TCF19: variants seen among roughly 807,000 people sequenced by gnomAD.
The protein encoded by TCF19 is transcription factor 19.
TCF19 carries 9 observed loss-of-function variants against 18.3 expected under a neutral mutation model. The ratio of observed to expected loss-of-function variants is 0.49; its 90% CI spans 0.30 to 0.86. TCF19 has a LOEUF of 0.86. TCF19 is among the 40% of genes least tolerant of loss of function. The probability of loss-of-function intolerance (pLI) is 0.07; values close to 1 mark genes in which losing one functional copy is unlikely to be tolerated. For synonymous variants in TCF19, 176 were observed against 185.3 expected (o/e 0.95, Z 0.41); for missense variants, 376 against 464.3 (o/e 0.81, Z 1.75).
Position 31,162,370 on chromosome 6 carries a change from C to A in TCF19, c.798-107C>A. On this transcript the variant is annotated intron_variant, in intron 3 of 3. Coordinates refer to ENST00000376257, the MANE Select transcript of TCF19 (RefSeq NM_007109.3). The surrounding 1 kb of genome is among the most constrained non-coding windows in gnomAD (Gnocchi z 4.5). Reference sequence around the variant, plus strand: ...GTCCAGGCTCACCTTAGTTCTCAGACCACTGTGCCTCTGTGGCCTCACCCT... The same window carrying A: ...GTCCAGGCTCACCTTAGTTCTCAGAACACTGTGCCTCTGTGGCCTCACCCT... 6.9e-7 allele frequency: 1 copy of A among 1,458,832 alleles called. No homozygotes were observed. Among genetic ancestry groups the A allele is most frequent in the Non-Finnish European group, 9.2e-7 (1 of 1,084,176 alleles). The allele number at this position is 1,458,832 out of a possible 1,614,324, so 90.4% of individuals were successfully genotyped here.
chr6:31,163,188 C>T lies in TCF19; in HGVS notation c.*471C>T, dbSNP rs1776919147. ...TGCCAACAAAATCGTAGCGACCTGG[C>T]TTTTCACAGCTTTGCTTTTATTTCC... On this transcript the variant is annotated 3_prime_UTR_variant, in exon 4 of 4. Transcript: ENST00000376257. 2 of 998,798 alleles carry T rather than the reference C, an allele frequency of 2.0e-6. No individual in the cohort carries two copies. Among genetic ancestry groups the T allele is most frequent in the South Asian group, 9.0e-5 (2 of 22,278 alleles). The allele number at this position is 998,798 out of a possible 1,614,324, so 61.9% of individuals were successfully genotyped here. A position where few individuals can be genotyped will look rare whatever the true frequency, so the allele number is the denominator to read the frequency against.
In TCF19 at chr6:31,163,946, GTGGAAACCAAATAGACCC is replaced by G; in HGVS notation, c.*1233_*1250del. 1 of 986,262 alleles carries G rather than the reference GTGGAAACCAAATAGACCC, an allele frequency of 1.0e-6. No individual in the cohort carries two copies. Among genetic ancestry groups the G allele is most frequent in the South Asian group, 4.7e-5 (1 of 21,326 alleles). The allele number at this position is 986,262 out of a possible 1,614,324, so 61.1% of individuals were successfully genotyped here. ...TGGGCAGAGTATGCAAAAACCTTAAGTGGAAACCAAATAGACCCTGGTATCAAGAAAGCACAAAGTATT... is the reference window on the plus strand; with the variant it reads ...TGGGCAGAGTATGCAAAAACCTTAAGTGGTATCAAGAAAGCACAAAGTATT... On this transcript the variant is annotated 3_prime_UTR_variant, in exon 4 of 4. Coordinates refer to ENST00000376257, the MANE Select transcript of TCF19 (RefSeq NM_007109.3).
chr6:31,162,179 C>T lies in TCF19; in HGVS notation c.797+174C>T, dbSNP rs1332891138. 6.6e-6 allele frequency among the ~76,000 whole-genome samples: 1 copy of T among 152,100 alleles called. No individual in the cohort carries two copies. Among genetic ancestry groups the T allele is most frequent in the East Asian group, 1.9e-4 (1 of 5,186 alleles). On this transcript the variant is annotated intron_variant, in intron 3 of 3. Coordinates refer to ENST00000376257, the MANE Select transcript of TCF19 (RefSeq NM_007109.3). The surrounding 1 kb of genome is among the most constrained non-coding windows in gnomAD (Gnocchi z 4.5). The stretch of plus-strand genomic sequence containing the variant: ...GAAAAGAAAAATATGTGCAGGAGAA[C>T]ATGAGAGGTGGGGTGGGGCAGTGCT...
At position 31,161,647 on chromosome 6, in the gene TCF19, G is replaced by A. The variant is rs1776785702; in HGVS notation, c.439G>A (p.Ala147Thr). Residue 147 changes from alanine to threonine, a missense_variant, in exon 3 of 4, where the codon GCT becomes ACT. Coordinates refer to ENST00000376257, the MANE Select transcript of TCF19 (RefSeq NM_007109.3). Reference sequence around the variant, plus strand: ...GTCTAGGGGAGAAGCCCGGGTTGGGGCTGGTTTCCGGCCTATGCTGCCCTC... The same window carrying A: ...GTCTAGGGGAGAAGCCCGGGTTGGGACTGGTTTCCGGCCTATGCTGCCCTC... ...PRSRGEARVG[A>T]GFRPMLPSQG... The A allele has an allele frequency of 6.5e-7, 1 of 1,529,280 alleles. No individual in the cohort carries two copies. Among genetic ancestry groups the A allele is most frequent in the South Asian group, 1.3e-5 (1 of 76,584 alleles). 94.7% of individuals were successfully genotyped at this position (1,529,280 alleles called of 1,614,324 possible).
Position 31,162,773 on chromosome 6 carries a change from A to G in TCF19, c.*56A>G. On this transcript the variant is annotated 3_prime_UTR_variant, in exon 4 of 4. Coordinates refer to ENST00000376257, the MANE Select transcript of TCF19 (RefSeq NM_007109.3). This position sits in a 1 kb window ranked among gnomAD's most constrained non-coding sequence, Gnocchi z 4.5. ...CTGCCCATGAGTAGACACAGCAGCG[A>G]GCAAATAGGTCTGATAAATACCCCC... The G allele has an allele frequency of 4.4e-6, 7 of 1,586,690 alleles. No homozygotes were observed. Among genetic ancestry groups the G allele is most frequent in the Non-Finnish European group, 6.0e-6 (7 of 1,171,416 alleles).
In TCF19 at chr6:31,161,464, G is replaced by T. The variant is rs760610914; in HGVS notation, c.256G>T (p.Val86Phe). 7.0e-7 allele frequency: 1 copy of T among 1,420,104 alleles called. No homozygotes were observed. The highest frequency in any genetic ancestry group is 2.7e-5 in the Admixed American group (1 of 36,378). 88.0% of individuals were successfully genotyped at this position (1,420,104 alleles called of 1,614,324 possible). ...ATCAACAGGTACTTTGGTCAATAAT[G>T]TCCGACTCCCAAGAGGTCACAGGCT... is the stretch of plus-strand genomic sequence containing the variant. ...HSSQGTLVNNVRLPRGHRLEL... is the reference protein window; with the variant it reads ...HSSQGTLVNNFRLPRGHRLEL... Residue 86 changes from valine to phenylalanine, a missense_variant, in exon 3 of 4, where the codon GTC (valine) becomes TTC (phenylalanine). Val to Phe is a conservative substitution (Grantham distance 50). Transcript: ENST00000376257.
At position 31,162,553 on chromosome 6, in the gene TCF19, T is replaced by C. The variant is rs1397524780; in HGVS notation, c.874T>C (p.Cys292Arg). 3 of 1,612,936 alleles carry C rather than the reference T, an allele frequency of 1.9e-6. No individual in the cohort carries two copies. Among genetic ancestry groups the C allele is most frequent in the African/African-American group, 2.7e-5 (2 of 75,006 alleles). The change falls in exon 4 of 4, where the codon TGT (cysteine) becomes CGT (arginine). Residue 292 changes from cysteine to arginine, a missense_variant. By Grantham distance (180) the Cys-to-Arg change is radical. Coordinates refer to ENST00000376257, the MANE Select transcript of TCF19 (RefSeq NM_007109.3). This position sits in a 1 kb window ranked among gnomAD's most constrained non-coding sequence, Gnocchi z 4.5. ...APPAVGGGEP[C>R]AAPCCCLPQE... The stretch of plus-strand genomic sequence containing the variant: ...CCCTGCAGTTGGGGGCGGGGAGCCC[T>C]GTGCAGCTCCTTGTTGCTGCCTGCC...
In TCF19 at chr6:31,163,724, T is replaced by A. The variant is rs1776961964; in HGVS notation, c.*1007T>A. On this transcript the variant is annotated 3_prime_UTR_variant, in exon 4 of 4. Coordinates refer to ENST00000376257, the MANE Select transcript of TCF19 (RefSeq NM_007109.3). Reference sequence around the variant, plus strand: ...TTGTGAGCCTTACACCAAGCCAAACTATTGTCAAAGCATCATTTCTATAGA... The same window carrying A: ...TTGTGAGCCTTACACCAAGCCAAACAATTGTCAAAGCATCATTTCTATAGA... The A allele has an allele frequency of 1.0e-6, 1 of 985,374 alleles. No homozygotes were observed. Among genetic ancestry groups the A allele is most frequent in the African/African-American group, 1.7e-5 (1 of 57,250 alleles). The allele number at this position is 985,374 out of a possible 1,614,324, so 61.0% of individuals were successfully genotyped here.
intron 2 of TCF19, among the ~76,000 whole-genome samples, chr6:31,160,197 A>G (rs1364066017): frequency 1.3e-5 from 2 of 152,234 alleles, no homozygotes; most frequent in Non-Finnish European, 2.9e-5. Context: ...TATAGTAGCC[A>G]ACATTCATCT....
At position 31,161,643 on chromosome 6, in the gene TCF19, TG is replaced by T. The variant is rs1412513973; in HGVS notation, c.439del (p.Ala147LeufsTer28). 10 of 1,531,382 alleles carry T rather than the reference TG, an allele frequency of 6.5e-6. No homozygotes were observed. Among genetic ancestry groups the T allele is most frequent in the African/African-American group, 2.8e-5 (2 of 72,150 alleles). The allele number at this position is 1,531,382 out of a possible 1,614,324, so 94.9% of individuals were successfully genotyped here. On this transcript the variant is annotated frameshift_variant, in exon 3 of 4. Transcript: ENST00000376257. LOFTEE classifies it high-confidence loss of function. The part of the protein sequence containing the change: ...IPRSRGEARV[G>X]AGFRPMLPSQ... The stretch of plus-strand genomic sequence containing the variant: ...CACGGTCTAGGGGAGAAGCCCGGGT[TG>T]GGGCTGGTTTCCGGCCTATGCTGCC...
At chr6:31,161,403 C>T in intron 2 of TCF19, 44 bp from the exon 3 acceptor site, 1 of 1,351,422 alleles carries the variant, frequency 7.4e-7, no homozygotes, top group Non-Finnish European at 9.7e-7. Context: ...CTGGTCATTT[C>T]TGTTTTTGTC....
At position 31,162,070 on chromosome 6, in the gene TCF19, G is replaced by A; in HGVS notation, c.797+65G>A. The A allele has an allele frequency of 6.7e-7, 1 of 1,500,070 alleles. No individual in the cohort carries two copies. The highest frequency in any genetic ancestry group is 8.9e-7 in the Non-Finnish European group (1 of 1,119,820). 92.9% of individuals were successfully genotyped at this position (1,500,070 alleles called of 1,614,324 possible). A position where few individuals can be genotyped will look rare whatever the true frequency, so the allele number is the denominator to read the frequency against. On this transcript the variant is annotated intron_variant, in intron 3 of 3. Transcript: ENST00000376257. This position sits in a 1 kb window ranked among gnomAD's most constrained non-coding sequence, Gnocchi z 4.5. The stretch of plus-strand genomic sequence containing the variant: ...GCTTTTCGATTCCTTGTATCCCTAG[G>A]CTGTGAGGAGGTCCCCCTGCCTGGG...
At position 31,164,122 on chromosome 6, in the gene TCF19, T is replaced by C; in HGVS notation, c.*1405T>C. ...CTCTGAACAGGTAACAGCTACATGG[T>C]GACTGAGTCTATGGGCAAAAGTTCT... On this transcript the variant is annotated 3_prime_UTR_variant, in exon 4 of 4. Coordinates refer to ENST00000376257, the MANE Select transcript of TCF19 (RefSeq NM_007109.3). 3 of 1,065,586 alleles carry C rather than the reference T, an allele frequency of 2.8e-6. No individual in the cohort carries two copies. Among genetic ancestry groups the C allele is most frequent in the Non-Finnish European group, 3.4e-6 (3 of 878,006 alleles). 66.0% of individuals were successfully genotyped at this position (1,065,586 alleles called of 1,614,324 possible).
rs751224053 is a variant in TCF19 at position 31,159,534 on chromosome 6, A to AC, written c.72dup (p.Ala25ArgfsTer17). On this transcript the variant is annotated frameshift_variant, in exon 2 of 4. Transcript: ENST00000376257. LOFTEE classifies it high-confidence loss of function. ...AGGGGCGGTGATCTCTACACCTTCC[A>AC]CCCCCCCGCCGGGGCTGGCTGCACC... 1.2e-5 allele frequency: 20 copies of AC among 1,600,456 alleles called. No homozygotes were observed. Among genetic ancestry groups the AC allele is most frequent in the African/African-American group, 1.4e-5 (1 of 73,544 alleles).
chr6:31,161,672 C>A lies in TCF19; in HGVS notation c.464C>A (p.Ser155Tyr). 7.2e-6 allele frequency: 11 copies of A among 1,532,334 alleles called. No homozygotes were observed. Among genetic ancestry groups the A allele is most frequent in the Non-Finnish European group, 9.6e-6 (11 of 1,140,310 alleles). The allele number at this position is 1,532,334 out of a possible 1,614,324, so 94.9% of individuals were successfully genotyped here. ...GCTGGTTTCCGGCCTATGCTGCCCT[C>A]CCAGGGGGCTCCACAGCGGCCTCTC... ...VGAGFRPMLP[S>Y]QGAPQRPLST... is the part of the protein sequence containing the mutation. Residue 155 changes from serine to tyrosine, a missense_variant, in exon 3 of 4, where the codon TCC becomes TAC. Transcript: ENST00000376257.
rs576991394 is a variant in TCF19, at chr6:31,162,682, C to T, written c.1003C>T (p.Arg335Ter). 1.8e-5 allele frequency: 29 copies of T among 1,612,418 alleles called. No homozygotes were observed. Among genetic ancestry groups the T allele is most frequent in the East Asian group, 2.2e-5 (1 of 44,874 alleles). ...SIQAAREADF[R>*]CPGCRAGIQT ...CCAGGCTGCCAGGGAGGCCGACTTCCGATGCCCAGGGTGCCGGGCTGGCAT... is the reference window on the plus strand; with the variant it reads ...CCAGGCTGCCAGGGAGGCCGACTTCTGATGCCCAGGGTGCCGGGCTGGCAT... Residue 335 changes from arginine to a stop codon, truncating the protein, a stop_gained, in exon 4 of 4, where the codon CGA (arginine) becomes TGA (stop). Transcript: ENST00000376257. LOFTEE classifies it low-confidence loss of function (END_TRUNC). This position sits in a 1 kb window ranked among gnomAD's most constrained non-coding sequence, Gnocchi z 4.5.
At position 31,161,433 on chromosome 6, in the gene TCF19, C is replaced by G; in HGVS notation, c.239-14C>G. 3 of 1,372,408 alleles carry G rather than the reference C, an allele frequency of 2.2e-6. No individual in the cohort carries two copies. Among genetic ancestry groups the G allele is most frequent in the African/African-American group, 1.5e-5 (1 of 67,240 alleles). 85.0% of individuals were successfully genotyped at this position (1,372,408 alleles called of 1,614,324 possible). A position where few individuals can be genotyped will look rare whatever the true frequency, so the allele number is the denominator to read the frequency against. On this transcript the variant is annotated splice_polypyrimidine_tract_variant and intron_variant, in intron 2 of 3. Coordinates refer to ENST00000376257, the MANE Select transcript of TCF19 (RefSeq NM_007109.3). ...TTTGTCCTCCATATTTGCCTGGTGC[C>G]CCACCATCAACAGGTACTTTGGTCA...
chr6:31,161,800 G>A lies in TCF19; in HGVS notation c.592G>A (p.Gly198Arg), dbSNP rs1171417956. The change falls in exon 3 of 4, where the codon GGA becomes AGA. Residue 198 changes from glycine (G) to arginine (R), a missense_variant. Transcript: ENST00000376257. The part of the protein sequence containing the change: ...QPLTFSPSWG[G>R]PKSLPVPAPP... ...CCTCACCTTCTCCCCTAGTTGGGGTGGACCAAAGAGCCTGCCTGTTCCCGC... is the reference window on the plus strand; with the variant it reads ...CCTCACCTTCTCCCCTAGTTGGGGTAGACCAAAGAGCCTGCCTGTTCCCGC... 1.2e-6 allele frequency: 2 copies of A among 1,610,858 alleles called. No individual in the cohort carries two copies. The highest frequency in any genetic ancestry group is 1.3e-5 in the African/African-American group (1 of 74,916).
Position 31,162,142 on chromosome 6 carries a change from T to A in TCF19, c.797+137T>A, listed in dbSNP as rs1222910869. The A allele has an allele frequency of 2.9e-6, 3 of 1,019,536 alleles. No homozygotes were observed. The East Asian group carries it at 7.9e-5, about 27-fold the overall frequency. The allele number at this position is 1,019,536 out of a possible 1,614,324, so 63.2% of individuals were successfully genotyped here. A position where few individuals can be genotyped will look rare whatever the true frequency, so the allele number is the denominator to read the frequency against. On this transcript the variant is annotated intron_variant, in intron 3 of 3. Transcript: ENST00000376257. This position sits in a 1 kb window ranked among gnomAD's most constrained non-coding sequence, Gnocchi z 4.5. ...ATAGATGGAATGGCAAGACCTGGGT[T>A]AGCTCTGATAGGAAAAGAAAAATAT...
Sources: allele counts gnomAD v4.1 joint callset (sites outside exome capture counted in the v4.1 genomes callset), GRCh38; gene constraint gnomAD v4.1.1; non-coding constraint Gnocchi (gnomAD v3.1); transcripts MANE v1.5; gene names NCBI Gene and HGNC (gene_info 2026-07-23, HGNC 2026-07-21).